Variants in HECW1 observed in about 807,000 individuals in gnomAD.
The protein encoded by HECW1 is E3 ubiquitin-protein ligase HECW1.
Under a neutral mutation model 182.3 loss-of-function variants are expected in HECW1, and 61 were observed. The ratio of observed to expected loss-of-function variants is 0.33; its 90% CI spans 0.27 to 0.41. The LOEUF (loss-of-function observed/expected upper bound fraction) is 0.41. Ranked by LOEUF, HECW1 falls within the 10% of genes least tolerant of loss-of-function variation. HECW1 has a pLI of 1.00. For synonymous variants in HECW1, 859 were observed against 832.6 expected, an observed-to-expected ratio of 1.03 and a Z score of -0.55; for missense variants, 1,739 against 2,108.9, an observed-to-expected ratio of 0.82 and a Z score of 3.44.
chr7:43,490,311 A>C (rs547355818), intron 17 of HECW1, among the ~76,000 whole-genome samples: 4 of 152,272 alleles, frequency 2.6e-5, no homozygotes, highest in African/African-American at 9.6e-5. Context: ...CTGCCTGCCC[A>C]TGGTTGCAGA....
intron 3 of HECW1, among the ~76,000 whole-genome samples, chr7:43,270,748 ATAT>A (rs1163756810): frequency 6.6e-6 from 1 of 152,228 alleles, no homozygotes; most frequent in Non-Finnish European, 1.5e-5. Context: ...TTCAACTTAA[ATAT>A]TATTAGAATT....
At chr7:43,272,443 G>A (rs1802527569) in intron 3 of HECW1, among the ~76,000 whole-genome samples, 1 of 152,044 alleles carries the variant, frequency 6.6e-6, no homozygotes, top group Admixed American at 6.6e-5. Flanking sequence ...TCCAACAAAA[G>A]TCTAATATCT....
intron 2 of HECW1, among the ~76,000 whole-genome samples, chr7:43,200,558 A>G (rs1794933635): frequency 6.6e-6 from 1 of 152,226 alleles, no homozygotes; most frequent in African/African-American, 2.4e-5. Flanking sequence ...TGAGACAGCC[A>G]TCCCACTTCT....
chr7:43,331,155 G>GC (rs1172892729), intron 5 of HECW1, among the ~76,000 whole-genome samples: 1 of 151,330 alleles, frequency 6.6e-6, no homozygotes, highest in Non-Finnish European at 1.5e-5. Context: ...CCCACGACAG[G>GC]CCCCCGTGTG....
intron 16 of HECW1, among the ~76,000 whole-genome samples, chr7:43,475,491 G>A (rs958949214): frequency 1.3e-5 from 2 of 152,000 alleles, no homozygotes; most frequent in Non-Finnish European, 1.5e-5. Flanking sequence ...GTAGCATTAG[G>A]GAATTTCAGT....
chr7:43,417,256 G>A (rs530899169), intron 8 of HECW1, among the ~76,000 whole-genome samples: 1 of 152,028 alleles, frequency 6.6e-6, no homozygotes, highest in Admixed American at 6.6e-5. Flanking sequence ...CACCATGTTG[G>A]CCAGGCTTGT....
intron 2 of HECW1, among the ~76,000 whole-genome samples, chr7:43,195,263 A>G (rs1794338671): frequency 6.6e-6 from 1 of 152,234 alleles, no homozygotes; most frequent in Non-Finnish European, 1.5e-5. Context: ...TAAAAGGGGA[A>G]TATAAACTTC....
intron 2 of HECW1, among the ~76,000 whole-genome samples, chr7:43,145,921 G>T (rs1428167019): frequency 1.3e-5 from 2 of 152,120 alleles, no homozygotes; most frequent in African/African-American, 4.8e-5. Flanking sequence ...AACGGTGTTG[G>T]TTTTTGCTCC....
chr7:43,550,851 C>T (rs1475034182), intron 27 of HECW1, among the ~76,000 whole-genome samples: 1 of 152,208 alleles, frequency 6.6e-6, no homozygotes, highest in Non-Finnish European at 1.5e-5. Flanking sequence ...TGGCATGTGA[C>T]CCTGGCGTGC....
At chr7:43,245,196 C>A (rs1562726138) in intron 3 of HECW1, among the ~76,000 whole-genome samples, 1 of 152,202 alleles carries the variant, frequency 6.6e-6, no homozygotes, top group Non-Finnish European at 1.5e-5. Context: ...GGTGTGCGCT[C>A]AGGAGCCACT....
intron 2 of HECW1, among the ~76,000 whole-genome samples, chr7:43,149,566 A>T (rs1789076364): frequency 6.6e-6 from 1 of 152,224 alleles, no homozygotes. Flanking sequence ...AAATGTCAGT[A>T]GTTTATAGTA....
chr7:43,375,144 A>G (rs112235307), intron 6 of HECW1, among the ~76,000 whole-genome samples: 8 of 152,332 alleles, frequency 5.3e-5, no homozygotes, highest in African/African-American at 1.7e-4. Flanking sequence ...AAAGGAGCCA[A>G]GGGGTTCCTG....
intron 10 of HECW1, among the ~76,000 whole-genome samples, chr7:43,442,889 G>C (rs1233059852): frequency 6.6e-6 from 1 of 152,182 alleles, no homozygotes; most frequent in African/African-American, 2.4e-5. Flanking sequence ...GGCCAACATG[G>C]ATAGGGAGTT....
chr7:43,555,017 T>TCTA (rs1365189104), intron 29 of HECW1, among the ~76,000 whole-genome samples: 1 of 152,182 alleles, frequency 6.6e-6, no homozygotes, highest in Non-Finnish European at 1.5e-5. Context: ...TGAGCTGTAA[T>TCTA]ATCTTGGTCC....
intron 24 of HECW1, among the ~76,000 whole-genome samples, chr7:43,539,929 A>T: frequency 6.6e-6 from 1 of 152,180 alleles, no homozygotes; most frequent in East Asian, 1.9e-4. Flanking sequence ...GGAATGAAGC[A>T]CTGGTGGGGT....
At chr7:43,408,416 A>G (rs961754480) in intron 8 of HECW1, among the ~76,000 whole-genome samples, 3 of 151,712 alleles carry the variant, frequency 2.0e-5, no homozygotes, top group Non-Finnish European at 2.9e-5. Context: ...GGCACCACTT[A>G]TTTGGCCAGG....
At chr7:43,520,324 C>T (rs912166387) in intron 24 of HECW1, among the ~76,000 whole-genome samples, 3 of 152,102 alleles carry the variant, frequency 2.0e-5, no homozygotes, top group Admixed American at 6.5e-5. Flanking sequence ...CTACTGTCTA[C>T]GAAATGGAGT....
intron 3 of HECW1, among the ~76,000 whole-genome samples, chr7:43,289,188 C>A (rs1207350026): frequency 6.6e-6 from 1 of 151,382 alleles, no homozygotes; most frequent in African/African-American, 2.4e-5. Flanking sequence ...CTCACTGCAA[C>A]CTCCGACTCC....
chr7:43,481,734 C>A (rs1368691579), intron 17 of HECW1, among the ~76,000 whole-genome samples: 2 of 152,044 alleles, frequency 1.3e-5, no homozygotes, highest in East Asian at 3.9e-4. Flanking sequence ...CCTGTAATCC[C>A]AGCACTTTAG....
Sources: gnomAD v4.1 joint callset for allele counts (sites outside exome capture counted in the v4.1 genomes callset) on GRCh38, gnomAD v4.1.1 for gene constraint, MANE v1.5 for transcripts, NCBI Gene and HGNC (gene_info 2026-07-23, HGNC 2026-07-21) for gene names.